Variants in NRG1 observed in about 807,000 individuals in gnomAD.
NRG1 encodes neuregulin 1.
Under a neutral mutation model 63.8 loss-of-function variants are expected in NRG1, and 18 were observed. The observed-to-expected ratio is 0.28, with a 90% CI of 0.19 to 0.42. The LOEUF is 0.42. Among genes scored for constraint, NRG1 ranks in the 10% least tolerant of loss-of-function variants. The pLI is 1.00. For synonymous variants in NRG1, 302 were observed against 301.3 expected, an observed-to-expected ratio of 1.00 and a Z score of -0.02; for missense variants, 762 against 814.7, an observed-to-expected ratio of 0.94 and a Z score of 0.79.
At position 32,158,448 on chromosome 8, in the gene NRG1, GATATATAT is replaced by G. The variant is rs36087607; in HGVS notation, c.38-437363_38-437356del. ...TCGTTTCTCTTTGTTTGGTTTACAT[GATATATAT>G]ATATATATATATATATCATGTATAT... is the stretch of plus-strand genomic sequence containing the variant. On this transcript the variant is annotated intron_variant, in intron 1 of 10. Coordinates refer to the NRG1 transcript ENST00000519301. 1.4e-3 allele frequency among the ~76,000 whole-genome samples: 89 copies of G among 62,170 alleles called. 7 individuals carry two copies. The highest frequency in any genetic ancestry group is 3.7e-3 in the Admixed American group (13 of 3,538). The allele number at this position is 62,170 out of a possible 152,430, so 40.8% of individuals were successfully genotyped here.
chr8:31,819,191 A>G (rs1823764672), intron 1 of NRG1, among the ~76,000 whole-genome samples: 1 of 130,864 alleles, frequency 7.6e-6, no homozygotes, highest in Admixed American at 7.4e-5. Context: ...GCGAGCTATG[A>G]TTGTGCTACT....
intron 1 of NRG1, among the ~76,000 whole-genome samples, chr8:31,703,625 T>C (rs1415203655): frequency 6.6e-6 from 1 of 152,178 alleles, no homozygotes; most frequent in Non-Finnish European, 1.5e-5. Context: ...GATGACCTTA[T>C]AGAGAGACAT....
chr8:32,138,210 T>C (rs1835794675), intron 1 of NRG1, among the ~76,000 whole-genome samples: 1 of 151,722 alleles, frequency 6.6e-6, no homozygotes, highest in Non-Finnish European at 1.5e-5. Flanking sequence ...CAATAGTGAG[T>C]GGATTTAAAC....
chr8:32,270,314 G>T (rs1199428531), intron 1 of NRG1, among the ~76,000 whole-genome samples: 2 of 152,204 alleles, frequency 1.3e-5, no homozygotes, highest in Non-Finnish European at 2.9e-5. Flanking sequence ...TTTGATCCCA[G>T]GCTCTGAGTA....
chr8:32,715,539 G>T (rs1818951887), intron 5 of NRG1, among the ~76,000 whole-genome samples: 1 of 152,122 alleles, frequency 6.6e-6, no homozygotes, highest in Non-Finnish European at 1.5e-5. Context: ...CTGAAAAGGT[G>T]TGAAACCAAG....
intron 1 of NRG1, among the ~76,000 whole-genome samples, chr8:31,682,880 A>C (rs1042702991): frequency 3.3e-5 from 5 of 152,196 alleles, no homozygotes; most frequent in Admixed American, 2.6e-4. Flanking sequence ...GAATGATAAG[A>C]AACAGAATTG....
At chr8:31,920,535 A>C (rs551157997) in intron 1 of NRG1, among the ~76,000 whole-genome samples, 12 of 152,074 alleles carry the variant, frequency 7.9e-5, no homozygotes, top group Non-Finnish European at 1.5e-4. Context: ...TTTGTTCTGA[A>C]CAACTCCAAA....
chr8:32,238,427 G>A (rs1266382299), intron 1 of NRG1, among the ~76,000 whole-genome samples: 3 of 148,674 alleles, frequency 2.0e-5, no homozygotes, highest in African/African-American at 7.5e-5. Context: ...CTGGACAATA[G>A]AGACTCTTTC....
rs749950763 is a variant in NRG1, at chr8:32,749,631, A to G, written c.692-4741A>G. The G allele has an allele frequency of 3.8e-6, 6 of 1,590,202 alleles. No homozygotes were observed. The South Asian group carries it at 4.5e-5, about 12-fold the overall frequency. ...TTTTAGCCTGCAGAATTTAGAGCCTATGAGCTGAAATCTTTTTCCCTTCCT... is the reference window on the plus strand; with the variant it reads ...TTTTAGCCTGCAGAATTTAGAGCCTGTGAGCTGAAATCTTTTTCCCTTCCT... On this transcript the variant is annotated intron_variant, in intron 7 of 11. Coordinates refer to ENST00000356819, the Ensembl canonical transcript of NRG1.
intron 1 of NRG1, among the ~76,000 whole-genome samples, chr8:32,532,610 A>T (rs980690615): frequency 6.6e-6 from 1 of 152,082 alleles, no homozygotes; most frequent in African/African-American, 2.4e-5. Flanking sequence ...TTTAATTGAC[A>T]TTTTAGACAA....
intron 1 of NRG1, among the ~76,000 whole-genome samples, chr8:32,361,925 C>G (rs1807265024): frequency 6.6e-6 from 1 of 152,136 alleles, no homozygotes; most frequent in Admixed American, 6.6e-5. Flanking sequence ...TCATGTCACA[C>G]AGGTTAGCTT....
At chr8:31,905,846 G>T (rs1396219787) in intron 1 of NRG1, among the ~76,000 whole-genome samples, 2 of 151,984 alleles carry the variant, frequency 1.3e-5, no homozygotes, top group African/African-American at 4.8e-5. Flanking sequence ...TTTAGCAAGT[G>T]GTTTAAAAAA....
At chr8:31,813,176 G>A (rs997426716) in intron 1 of NRG1, among the ~76,000 whole-genome samples, 1 of 152,128 alleles carries the variant, frequency 6.6e-6, no homozygotes, top group African/African-American at 2.4e-5. Context: ...ATATAAGAAA[G>A]GATGAACATT....
intron 1 of NRG1, among the ~76,000 whole-genome samples, chr8:32,269,453 C>T (rs1196532119): frequency 2.6e-5 from 4 of 152,242 alleles, no homozygotes; most frequent in South Asian, 2.1e-4. Flanking sequence ...CTATTGGTGA[C>T]GTCTTTCCCA....
chr8:32,484,432 GA>G (rs1161117705), intron 1 of NRG1, among the ~76,000 whole-genome samples: 2 of 152,242 alleles, frequency 1.3e-5, no homozygotes, highest in South Asian at 2.1e-4. Context: ...GATCACTGAT[GA>G]AATGTGATAA....
At chr8:31,969,616 G>A (rs1806942591) in intron 1 of NRG1, among the ~76,000 whole-genome samples, 1 of 152,138 alleles carries the variant, frequency 6.6e-6, no homozygotes, top group Admixed American at 6.5e-5. Context: ...TTACAAGGCT[G>A]CATGTGTGTC....
chr8:31,680,255 A>T (rs1016907372), intron 1 of NRG1, among the ~76,000 whole-genome samples: 1 of 150,860 alleles, frequency 6.6e-6, no homozygotes, highest in Admixed American at 6.6e-5. Flanking sequence ...CTCGTCATCT[A>T]GCATTAGGTA....
chr8:31,701,046 A>T (rs1810575694), intron 1 of NRG1, among the ~76,000 whole-genome samples: 1 of 152,186 alleles, frequency 6.6e-6, no homozygotes, highest in African/African-American at 2.4e-5. Context: ...TGAATCAGCA[A>T]GTAGGGAGTA....
intron 1 of NRG1, among the ~76,000 whole-genome samples, chr8:31,843,755 C>T (rs1450486243): frequency 1.3e-5 from 2 of 152,194 alleles, no homozygotes; most frequent in Non-Finnish European, 2.9e-5. Context: ...TTGTGATCTA[C>T]ATAGTTTAAA....
Sources: gnomAD v4.1 joint callset for allele counts (sites outside exome capture counted in the v4.1 genomes callset) on GRCh38, gnomAD v4.1.1 for gene constraint, MANE v1.5 for transcripts, NCBI Gene and HGNC (gene_info 2026-07-23, HGNC 2026-07-21) for gene names.